Variants in CHIC2 observed in about 807,000 individuals in gnomAD.
The protein encoded by CHIC2 is cysteine rich hydrophobic domain 2, also known as cysteine-rich hydrophobic domain-containing protein 2.
In CHIC2, 14 loss-of-function variants were observed where a neutral mutation model predicts 25.9. The observed-to-expected ratio is 0.54, with a 90% CI of 0.36 to 0.85. The LOEUF (loss-of-function observed/expected upper bound fraction) is 0.85. CHIC2 is among the 40% of genes least tolerant of loss of function. The pLI is 0.01. For synonymous variants in CHIC2, 70 were observed against 72.0 expected, an observed-to-expected ratio of 0.97 and a Z score of 0.14; for missense variants, 146 against 202.0, an observed-to-expected ratio of 0.72 and a Z score of 1.68.
At chr4:54,021,662 C>T (rs1190638128) in intron 3 of CHIC2, among the ~76,000 whole-genome samples, 1 of 152,118 alleles carries the variant, frequency 6.6e-6, no homozygotes, top group African/African-American at 2.4e-5. Context: ...CTTTATCCGA[C>T]CTCTCCCAAA....
chr4:54,059,492 G>A (rs1284566787), intron 1 of CHIC2: 3 of 151,522 alleles, frequency 2.0e-5, no homozygotes, highest in African/African-American at 7.3e-5. Context: ...AGTAGGCTGT[G>A]ATCAGGCCCC....
At chr4:54,091,421 T>C in the CHIC2 span, among the ~76,000 whole-genome samples, 1 of 151,920 alleles carries the variant, frequency 6.6e-6, no homozygotes, top group Non-Finnish European at 1.5e-5. Context: ...ACGCACGTTC[T>C]CACACTCTCA....
At chr4:54,071,524 A>G in the CHIC2 span, among the ~76,000 whole-genome samples, 245 of 152,398 alleles carry the variant, frequency 1.6e-3, no homozygotes, top group Middle Eastern at 6.8e-3. Flanking sequence ...AGGAAGTGGT[A>G]GAGCCAGAAC....
chr4:54,048,052 G>A (rs1000908821), intron 3 of CHIC2, among the ~76,000 whole-genome samples: 9 of 152,044 alleles, frequency 5.9e-5, no homozygotes, highest in Admixed American at 4.6e-4. Context: ...GCAATGGCAC[G>A]ATCTCAGCTC....
chr4:54,022,779 C>T (rs1365867316), intron 3 of CHIC2, among the ~76,000 whole-genome samples: 1 of 152,046 alleles, frequency 6.6e-6, no homozygotes, highest in Non-Finnish European at 1.5e-5. Context: ...ACCCTTACCC[C>T]GCTCAATGCC....
chr4:54,056,521 G>A (rs541845212), intron 1 of CHIC2, among the ~76,000 whole-genome samples: 12 of 152,164 alleles, frequency 7.9e-5, no homozygotes, highest in African/African-American at 1.9e-4. Flanking sequence ...GGGTACATAG[G>A]AACTCCACCA....
At chr4:54,062,360 A>AT (rs1560399958) in intron 1 of CHIC2, among the ~76,000 whole-genome samples, 1 of 144,840 alleles carries the variant, frequency 6.9e-6, no homozygotes, top group Non-Finnish European at 1.5e-5. Flanking sequence ...TTTATTTATT[A>AT]TTTTAACTGT....
rs779228100 is a variant in CHIC2, at chr4:54,064,235, C to G, written c.66G>C (p.Leu22=). 6.2e-7 allele frequency: 1 copy of G among 1,609,538 alleles called. No homozygotes were observed. The highest frequency in any genetic ancestry group is 1.7e-5 in the Admixed American group (1 of 59,508). Residue 22 remains leucine, a synonymous_variant, in exon 1 of 6, where the codon CTG becomes CTC. Coordinates refer to ENST00000263921, the MANE Select transcript of CHIC2 (RefSeq NM_012110.4). This position sits in a 1 kb window ranked among gnomAD's most constrained non-coding sequence, Gnocchi z 4.2. ...CCACCGGGTCCGGCGAGTACTTGAG[C>G]AGCTGCTCCTCCAGGGCCCGCTCCT... The part of the protein sequence containing the change: ...EDEERALEEQ[L]LKYSPDPVVV...
At chr4:54,085,424 A>T in the CHIC2 span, among the ~76,000 whole-genome samples, 1 of 152,212 alleles carries the variant, frequency 6.6e-6, no homozygotes, top group Admixed American at 6.5e-5. Flanking sequence ...TTGCTCAATC[A>T]ATTTTCAGTC....
intron 1 of CHIC2, among the ~76,000 whole-genome samples, chr4:54,051,229 A>G (rs558581954): frequency 6.6e-6 from 1 of 152,150 alleles, no homozygotes; most frequent in South Asian, 2.1e-4. Context: ...AGAACTACAT[A>G]GTCAATCATT....
chr4:54,074,708 C>T, the CHIC2 span, among the ~76,000 whole-genome samples: 1 of 151,604 alleles, frequency 6.6e-6, no homozygotes, highest in Non-Finnish European at 1.5e-5. Context: ...AATATGTCTA[C>T]TTTTTGAATT....
At chr4:54,059,174 A>G (rs937592465) in intron 1 of CHIC2, among the ~76,000 whole-genome samples, 1 of 152,188 alleles carries the variant, frequency 6.6e-6, no homozygotes, top group African/African-American at 2.4e-5. Flanking sequence ...GATATGTATT[A>G]TATCAAATTA....
At chr4:54,035,511 C>T (rs1211903138) in intron 3 of CHIC2, among the ~76,000 whole-genome samples, 1 of 152,138 alleles carries the variant, frequency 6.6e-6, no homozygotes, top group Non-Finnish European at 1.5e-5. Flanking sequence ...TGTTGAATTA[C>T]AGGCATACAG....
At chr4:54,058,400 T>C (rs774966342) in intron 1 of CHIC2, among the ~76,000 whole-genome samples, 8 of 152,086 alleles carry the variant, frequency 5.3e-5, no homozygotes, top group Admixed American at 1.3e-4. Context: ...CTGCCTCATA[T>C]CAAAGACCAC....
chr4:54,022,196 A>T (rs1243985692), intron 3 of CHIC2, among the ~76,000 whole-genome samples: 1 of 152,128 alleles, frequency 6.6e-6, no homozygotes, highest in African/African-American at 2.4e-5. Context: ...CTCGCCCGGC[A>T]GCCACTCCCA....
At chr4:54,033,694 T>C (rs1375733039) in intron 3 of CHIC2, among the ~76,000 whole-genome samples, 2 of 152,194 alleles carry the variant, frequency 1.3e-5, no homozygotes, top group Admixed American at 6.5e-5. Context: ...TAATATACGG[T>C]TTAATGTACA....
chr4:54,073,882 C>T, the CHIC2 span, among the ~76,000 whole-genome samples: 14 of 152,218 alleles, frequency 9.2e-5, no homozygotes, highest in Middle Eastern at 6.8e-3. Flanking sequence ...TTAGACCGGG[C>T]GCAGTGGCTC....
In CHIC2 at chr4:54,064,406, G is replaced by C. The variant is rs1033392347; in HGVS notation, c.-106C>G. On this transcript the variant is annotated 5_prime_UTR_variant, in exon 1 of 6. Transcript: ENST00000263921. The surrounding 1 kb of genome is among the most constrained non-coding windows in gnomAD (Gnocchi z 4.2). Reference sequence around the variant, plus strand: ...GCTGAGGGGAGTCGCCGCTGCCGCCGGCTCCGAGGCCGCGGAGTTCGCTGT... The same window carrying C: ...GCTGAGGGGAGTCGCCGCTGCCGCCCGCTCCGAGGCCGCGGAGTTCGCTGT... 1 of 1,540,666 alleles carries C rather than the reference G, an allele frequency of 6.5e-7. No individual in the cohort carries two copies. Among genetic ancestry groups the C allele is most frequent in the Non-Finnish European group, 8.7e-7 (1 of 1,146,114 alleles).
At chr4:54,071,840 G>A in the CHIC2 span, among the ~76,000 whole-genome samples, 2 of 151,900 alleles carry the variant, frequency 1.3e-5, no homozygotes, top group Non-Finnish European at 2.9e-5. Context: ...ATGGCTACAT[G>A]TATAAAATCA....
Sources: allele counts gnomAD v4.1 joint callset (sites outside exome capture counted in the v4.1 genomes callset), GRCh38; gene constraint gnomAD v4.1.1; non-coding constraint Gnocchi (gnomAD v3.1); transcripts MANE v1.5; gene names NCBI Gene and HGNC (gene_info 2026-07-23, HGNC 2026-07-21).